The following NFIB variants were observed in gnomAD, a reference collection of about 807,000 sequenced individuals.
NFIB encodes nuclear factor I B, also known as nuclear factor 1 B-type.
NFIB carries 11 observed loss-of-function variants against 61.5 expected under a neutral mutation model. The ratio of observed to expected loss-of-function variants is 0.18; its 90% CI spans 0.11 to 0.30. The LOEUF (loss-of-function observed/expected upper bound fraction) is 0.30, where lower values mean the gene tolerates loss of function less well. Ranked by LOEUF, NFIB falls within the 10% of genes least tolerant of loss-of-function variation. The pLI, the probability that NFIB is intolerant of heterozygous loss-of-function variation, is 1.00. For synonymous variants in NFIB, 260 were observed against 216.5 expected, an observed-to-expected ratio of 1.20 and a Z score of -1.76; for missense variants, 471 against 608.9, an observed-to-expected ratio of 0.77 and a Z score of 2.38.
At chr9:14,163,328 T>C (rs2890981) in intron 3 of NFIB, among the ~76,000 whole-genome samples, 124,939 of 151,944 alleles carry the variant, frequency 0.82, 56,341 homozygotes, top group Non-Finnish European at 0.99. Flanking sequence ...TAAATGTATA[T>C]GGACTGAATT....
chr9:14,431,196 GC>G, the NFIB span, among the ~76,000 whole-genome samples: 1 of 152,140 alleles, frequency 6.6e-6, no homozygotes, highest in East Asian at 1.9e-4. Flanking sequence ...CCCAATGTCA[GC>G]AAACTCTTTG....
intron 1 of NFIB, among the ~76,000 whole-genome samples, chr9:14,376,279 G>C (rs1256818138): frequency 1.3e-5 from 2 of 151,672 alleles, no homozygotes; most frequent in Non-Finnish European, 2.9e-5. Flanking sequence ...CCACATTACT[G>C]TTGGAGCTTA....
intron 2 of NFIB, among the ~76,000 whole-genome samples, chr9:14,286,021 A>G (rs1235187542): frequency 1.3e-5 from 2 of 151,930 alleles, no homozygotes; most frequent in Non-Finnish European, 2.9e-5. Context: ...TCCTTCTAGC[A>G]AGTTCCAACG....
chr9:14,502,867 T>C, the NFIB span, among the ~76,000 whole-genome samples: 3 of 152,100 alleles, frequency 2.0e-5, no homozygotes, highest in Non-Finnish European at 4.4e-5. Context: ...GTGTGTAGTA[T>C]TTTCGCCCTC....
intron 1 of NFIB, among the ~76,000 whole-genome samples, chr9:14,389,944 T>G (rs910357351): frequency 3.3e-5 from 5 of 152,206 alleles, no homozygotes; most frequent in African/African-American, 1.2e-4. Flanking sequence ...TCCATTAGAT[T>G]TCTCAAAACA....
the NFIB span, among the ~76,000 whole-genome samples, chr9:14,407,655 GT>G: frequency 3.3e-5 from 5 of 152,104 alleles, no homozygotes; most frequent in Admixed American, 1.3e-4. Flanking sequence ...AAGGCCTGTG[GT>G]GTAAGTTTGT....
chr9:14,287,285 G>C lies in NFIB; in HGVS notation c.562+19704C>G, dbSNP rs553447540. ...TCTCTACTAAAAATACAAAAAATTA[G>C]CTGGGCGTGGTGGCGGGCACCTGTA... On this transcript the variant is annotated intron_variant, in intron 2 of 10. Coordinates refer to ENST00000380953, the MANE Select transcript of NFIB (RefSeq NM_001190737.2). Among the ~76,000 whole-genome samples the C allele has an allele frequency of 1.4e-4, 21 of 151,782 alleles. No individual in the cohort carries two copies. In the South Asian group the frequency reaches 4.0e-3, roughly 29 times the overall value.
chr9:14,433,316 A>G, the NFIB span, among the ~76,000 whole-genome samples: 6 of 152,274 alleles, frequency 3.9e-5, no homozygotes, highest in Non-Finnish European at 8.8e-5. Flanking sequence ...TTTGAGCCCC[A>G]TTGTCTACTT....
the NFIB span, among the ~76,000 whole-genome samples, chr9:14,441,748 G>A: frequency 6.6e-6 from 1 of 152,060 alleles, no homozygotes; most frequent in Non-Finnish European, 1.5e-5. Context: ...TCACCAAGTG[G>A]CCATGTCTGC....
chr9:14,462,503 G>C, the NFIB span, among the ~76,000 whole-genome samples: 42 of 152,010 alleles, frequency 2.8e-4, no homozygotes, highest in South Asian at 1.5e-3. Context: ...AGGATGGTCT[G>C]GATCTCCTGA....
At chr9:14,528,519 A>G in the NFIB span, among the ~76,000 whole-genome samples, 2 of 152,218 alleles carry the variant, frequency 1.3e-5, no homozygotes, top group Non-Finnish European at 2.9e-5. Flanking sequence ...AGACTACGAG[A>G]ATTTCAAGTT....
chr9:14,451,420 T>C, the NFIB span, among the ~76,000 whole-genome samples: 4 of 152,218 alleles, frequency 2.6e-5, no homozygotes, highest in East Asian at 1.9e-4. Context: ...AGCTTCAACA[T>C]TGACCAACTA....
intron 2 of NFIB, among the ~76,000 whole-genome samples, chr9:14,226,951 C>A (rs2052501946): frequency 6.6e-6 from 1 of 150,958 alleles, no homozygotes; most frequent in African/African-American, 2.4e-5. Context: ...ACCAGCCTGA[C>A]TAAGATGGTG....
chr9:14,469,161 T>C, the NFIB span, among the ~76,000 whole-genome samples: 11,150 of 152,246 alleles, frequency 0.073, 670 homozygotes, highest in East Asian at 0.3. Context: ...CAGCCAGGTA[T>C]GAACACATTG....
At chr9:14,259,911 A>AAAACG (rs889683394) in intron 2 of NFIB, among the ~76,000 whole-genome samples, 2 of 152,214 alleles carry the variant, frequency 1.3e-5, no homozygotes, top group Non-Finnish European at 1.5e-5. Context: ...TTTCAAAAAC[A>AAAACG]AAACGAAACG....
At chr9:14,415,605 C>T in the NFIB span, among the ~76,000 whole-genome samples, 1 of 152,116 alleles carries the variant, frequency 6.6e-6, no homozygotes, top group East Asian at 1.9e-4. Flanking sequence ...TCTGTTCTAG[C>T]CCAAGAGGTC....
the NFIB span, among the ~76,000 whole-genome samples, chr9:14,504,208 C>T: frequency 6.6e-6 from 1 of 152,170 alleles, no homozygotes; most frequent in Admixed American, 6.5e-5. Context: ...ACACCAGTAC[C>T]ATGATGTTTT....
chr9:14,331,211 A>T lies in NFIB; in HGVS notation c.109-23691T>A, dbSNP rs564785221. Reference sequence around the variant, plus strand: ...GTATTTCATCTAAGCTCTTTTAAAGACGAGGCACTGGAGGTTTGGAAAGAC... The same window carrying T: ...GTATTTCATCTAAGCTCTTTTAAAGTCGAGGCACTGGAGGTTTGGAAAGAC... On this transcript the variant is annotated intron_variant, in intron 1 of 8. Transcript: ENST00000380934. Among the ~76,000 whole-genome samples, 11 of 152,296 alleles carry T rather than the reference A, an allele frequency of 7.2e-5. 1 individual carries two copies. In the South Asian group the frequency reaches 2.3e-3, roughly 32 times the overall value.
At chr9:14,509,617 C>A in the NFIB span, among the ~76,000 whole-genome samples, 1 of 152,206 alleles carries the variant, frequency 6.6e-6, no homozygotes, top group Non-Finnish European at 1.5e-5. Context: ...TCCTTGCCCT[C>A]TCCTTTTCTC....
Sources: gnomAD v4.1 joint callset for allele counts (sites outside exome capture counted in the v4.1 genomes callset) on GRCh38, gnomAD v4.1.1 for gene constraint, MANE v1.5 for transcripts, NCBI Gene and HGNC (gene_info 2026-07-23, HGNC 2026-07-21) for gene names.